The following GRIA4 variants were observed in gnomAD, a reference collection of about 807,000 sequenced individuals.
GRIA4 encodes the protein glutamate ionotropic receptor AMPA type subunit 4.
In GRIA4, 34 loss-of-function variants were observed where a neutral mutation model predicts 104.0. The ratio of observed to expected loss-of-function variants is 0.33; its 90% CI spans 0.25 to 0.44. The LOEUF is 0.44. GRIA4 is among the 20% of genes least tolerant of loss of function. The pLI, the probability that GRIA4 is intolerant of heterozygous loss-of-function variation, is 1.00. For synonymous variants in GRIA4, 386 were observed against 381.9 expected (o/e 1.01, Z -0.13); for missense variants, 750 against 1,096.5 (o/e 0.68, Z 4.46).
In GRIA4 at chr11:105,971,713, C is replaced by T. The variant is rs549621664; in HGVS notation, c.2295-201C>T. ...GCATACATTTTATTTAAAAATCCTC[C>T]CTAGCAGTATGTGCCTGTTACCTAA... On this transcript the variant is annotated intron_variant, in intron 14 of 16. Transcript: ENST00000282499. Among the ~76,000 whole-genome samples the T allele has an allele frequency of 7.8e-4, 118 of 152,226 alleles. 1 individual carries two copies. The Middle Eastern group carries it at 0.014, about 18-fold the overall frequency.
At chr11:105,664,882 G>A (rs1952119345) in intron 3 of GRIA4, among the ~76,000 whole-genome samples, 1 of 151,872 alleles carries the variant, frequency 6.6e-6, no homozygotes, top group South Asian at 2.1e-4. Flanking sequence ...TTTCCATTTT[G>A]TTTAATGATG....
chr11:105,719,923 A>G (rs1366615331), intron 3 of GRIA4, among the ~76,000 whole-genome samples: 1 of 152,068 alleles, frequency 6.6e-6, no homozygotes, highest in African/African-American at 2.4e-5. Context: ...TTACTGTAAA[A>G]TATCCTGCCA....
At chr11:105,888,812 T>C (rs1444116229) in intron 6 of GRIA4, among the ~76,000 whole-genome samples, 2 of 152,162 alleles carry the variant, frequency 1.3e-5, no homozygotes, top group African/African-American at 2.4e-5. Context: ...TTATATTGTG[T>C]TTCTTAGATA....
chr11:105,964,955 C>T (rs1220849823), intron 14 of GRIA4, among the ~76,000 whole-genome samples: 1 of 152,008 alleles, frequency 6.6e-6, no homozygotes, highest in East Asian at 1.9e-4. Context: ...TACAGGTGCC[C>T]ACAACCATGC....
intron 14 of GRIA4, among the ~76,000 whole-genome samples, chr11:105,962,174 A>G: frequency 6.6e-6 from 1 of 152,214 alleles, no homozygotes; most frequent in African/African-American, 2.4e-5. Context: ...ATACTGTAAG[A>G]AATATGATCT....
chr11:105,912,424 C>T, intron 10 of GRIA4: 2 of 953,000 alleles, frequency 2.1e-6, no homozygotes, highest in South Asian at 9.8e-5. Flanking sequence ...ATCTTAAAAC[C>T]AAAATACTGA....
At chr11:105,617,953 C>G (rs942309583) in intron 3 of GRIA4, among the ~76,000 whole-genome samples, 4 of 151,950 alleles carry the variant, frequency 2.6e-5, no homozygotes, top group Admixed American at 1.3e-4. Context: ...TTACATCAAA[C>G]TTGGCATGGC....
rs149153290 is a variant in GRIA4 at position 105,749,342 on chromosome 11, T to C, written c.248-3639T>C. On this transcript the variant is annotated intron_variant, in intron 3 of 16. Transcript: ENST00000282499. ...ATATGGCTGTGAAACAGTAGAGAGA[T>C]AGGAAGCATGAGGTCAGGAAAGTTC... 8.5e-5 allele frequency among the ~76,000 whole-genome samples: 13 copies of C among 152,124 alleles called. No homozygotes were observed. In the East Asian group the frequency reaches 2.3e-3, roughly 27 times the overall value.
intron 4 of GRIA4, among the ~76,000 whole-genome samples, chr11:105,841,352 C>A (rs1262611955): frequency 3.9e-5 from 6 of 152,120 alleles, no homozygotes; most frequent in Non-Finnish European, 4.4e-5. Context: ...AATTAAGACA[C>A]AAGCGCTGTT....
chr11:105,676,007 A>G (rs1952524147), intron 3 of GRIA4, among the ~76,000 whole-genome samples: 1 of 151,828 alleles, frequency 6.6e-6, no homozygotes, highest in African/African-American at 2.4e-5. Context: ...TCTCACATTT[A>G]TAAACATATT....
At chr11:105,866,551 G>GTATATATATATA (rs71041633) in intron 5 of GRIA4, among the ~76,000 whole-genome samples, 1,541 of 76,268 alleles carry the variant, frequency 0.02, 47 homozygotes, top group African/African-American at 0.047. Flanking sequence ...GTGTGTGTGT[G>GTATATATATATA]TATATATATA....
intron 3 of GRIA4, among the ~76,000 whole-genome samples, chr11:105,629,248 AAAATAAATAAATAAAT>A (rs56314166): frequency 0.55 from 80,667 of 146,914 alleles, 22,496 homozygotes; most frequent in Non-Finnish European, 0.59. Flanking sequence ...AAATAAACTA[AAAATAAATAAATAAAT>A]AAATAAATAA....
chr11:105,960,255 T>C (rs1219752601), intron 14 of GRIA4, among the ~76,000 whole-genome samples: 1 of 152,256 alleles, frequency 6.6e-6, no homozygotes, highest in East Asian at 1.9e-4. Context: ...CAGCCACCCC[T>C]GCCTCTAGGA....
chr11:105,904,920 T>C (rs937499390), intron 8 of GRIA4, among the ~76,000 whole-genome samples: 3 of 152,126 alleles, frequency 2.0e-5, no homozygotes, highest in South Asian at 4.1e-4. Flanking sequence ...ACTTTACAAT[T>C]GAGGGAGGAT....
At chr11:105,920,317 T>C (rs998554761) in intron 11 of GRIA4, among the ~76,000 whole-genome samples, 3 of 152,204 alleles carry the variant, frequency 2.0e-5, no homozygotes, top group African/African-American at 7.2e-5. Context: ...TCTAAAGCAT[T>C]TGTTCTTTGG....
chr11:105,676,499 ATATCT>A (rs1246619626), intron 3 of GRIA4, among the ~76,000 whole-genome samples: 2 of 109,434 alleles, frequency 1.8e-5, no homozygotes, highest in Admixed American at 2.3e-4. Context: ...AACATATTTG[ATATCT>A]TATATGTTAA....
At chr11:105,947,397 G>A (rs747728309) in intron 14 of GRIA4, among the ~76,000 whole-genome samples, 1 of 152,190 alleles carries the variant, frequency 6.6e-6, no homozygotes, top group African/African-American at 2.4e-5. Context: ...AACATTGTTA[G>A]TGAGCTCTTT....
chr11:105,781,170 T>C (rs904886952), intron 4 of GRIA4, among the ~76,000 whole-genome samples: 2 of 152,206 alleles, frequency 1.3e-5, no homozygotes, highest in Admixed American at 1.3e-4. Flanking sequence ...TGCATTTGTG[T>C]TTCCTAATTT....
At chr11:105,912,224 G>A in intron 10 of GRIA4, 1 of 989,646 alleles carries the variant, frequency 1.0e-6, no homozygotes, top group South Asian at 4.7e-5. Context: ...CCATTTCCAA[G>A]GGTAGATTTT....
Sources: gnomAD v4.1 joint callset for allele counts (sites outside exome capture counted in the v4.1 genomes callset) on GRCh38, gnomAD v4.1.1 for gene constraint, MANE v1.5 for transcripts, NCBI Gene and HGNC (gene_info 2026-07-23, HGNC 2026-07-21) for gene names.